The following LAMA1 variants were observed in gnomAD, a reference collection of about 807,000 sequenced individuals.
LAMA1 encodes laminin subunit alpha 1.
A neutral mutation model predicts 348.7 loss-of-function variants in LAMA1; 219 were observed. The observed-to-expected ratio is 0.63, with a 90% CI of 0.56 to 0.70. The LOEUF (loss-of-function observed/expected upper bound fraction) is 0.70. Ranked by LOEUF, LAMA1 falls within the 30% of genes least tolerant of loss-of-function variation. LAMA1 has a pLI of 0.00. For missense variants in LAMA1, 3,744 were observed against 3,888.0 expected, an observed-to-expected ratio of 0.96 and a Z score of 0.99; for synonymous variants, 1,487 against 1,491.0, an observed-to-expected ratio of 1.00 and a Z score of 0.06.
chr18:6,966,550 G>A (rs1280006715), intron 48 of LAMA1, among the ~76,000 whole-genome samples: 2 of 152,126 alleles, frequency 1.3e-5, no homozygotes, highest in Non-Finnish European at 2.9e-5. Context: ...TTTCTTTACA[G>A]GAGGATAACT....
chr18:7,099,294 C>T (rs1027637302), intron 1 of LAMA1, among the ~76,000 whole-genome samples: 3 of 150,684 alleles, frequency 2.0e-5, no homozygotes, highest in Admixed American at 1.3e-4. Context: ...GTCATCACCA[C>T]TCCCTAATCT....
chr18:7,022,227 TAATA>T (rs2057921128), intron 19 of LAMA1, among the ~76,000 whole-genome samples: 1 of 152,100 alleles, frequency 6.6e-6, no homozygotes, highest in Non-Finnish European at 1.5e-5. Context: ...ACCGGACACT[TAATA>T]AACAATGAAT....
At chr18:7,093,663 A>G (rs1212918007) in intron 1 of LAMA1, among the ~76,000 whole-genome samples, 2 of 152,172 alleles carry the variant, frequency 1.3e-5, no homozygotes, top group East Asian at 3.8e-4. Flanking sequence ...GATTAATAAT[A>G]CCATAACATT....
intron 3 of LAMA1, among the ~76,000 whole-genome samples, chr18:7,055,280 A>C (rs1282723673): frequency 6.6e-6 from 1 of 151,510 alleles, no homozygotes; most frequent in Non-Finnish European, 1.5e-5. Flanking sequence ...GTGAAACCCC[A>C]TCTCTACTAA....
At chr18:7,002,127 T>C in intron 30 of LAMA1, 137 bp downstream of exon 30, 3 of 1,165,536 alleles carry the variant, frequency 2.6e-6, no homozygotes, top group Non-Finnish European at 3.6e-6. Context: ...AATGAACACC[T>C]TTTCTTAAAA....
Position 6,993,699 on chromosome 18 carries a change from G to A in LAMA1, c.4950C>T (p.Ile1650=). ...TGGCCAGGTCTTGACTCTCCTTGAAGATTCTCTCAGTTGCCCTATTCACCT... is the reference window on the plus strand; with the variant it reads ...TGGCCAGGTCTTGACTCTCCTTGAAAATTCTCTCAGTTGCCCTATTCACCT... The part of the protein sequence containing the change: ...TQKVNRATER[I]FKESQDLAIA... Residue 1650 remains isoleucine, a synonymous_variant, in exon 35 of 63, where the codon ATC becomes ATT. Coordinates refer to ENST00000389658, the MANE Select transcript of LAMA1 (RefSeq NM_005559.4). The A allele has an allele frequency of 1.9e-6, 3 of 1,614,038 alleles. No homozygotes were observed. The highest frequency in any genetic ancestry group is 2.5e-6 in the Non-Finnish European group (3 of 1,179,962).
chr18:7,012,608 C>A (rs1285466219), intron 23 of LAMA1, among the ~76,000 whole-genome samples: 1 of 150,650 alleles, frequency 6.6e-6, no homozygotes, highest in Non-Finnish European at 1.5e-5. Context: ...CGGGTTCAAG[C>A]GATTCTCCTG....
intron 1 of LAMA1, among the ~76,000 whole-genome samples, chr18:7,114,450 T>C (rs540709919): frequency 4.6e-5 from 7 of 152,334 alleles, no homozygotes; most frequent in African/African-American, 1.7e-4. Flanking sequence ...CAATTATGCA[T>C]TTTGGAGAAT....
chr18:7,010,059 G>A lies in LAMA1; in HGVS notation c.3873+141C>T, dbSNP rs996116564. The A allele has an allele frequency of 2.4e-5, 21 of 868,608 alleles. No homozygotes were observed. The African/African-American group carries it at 2.6e-4, about 11-fold the overall frequency. 53.8% of individuals were successfully genotyped at this position (868,608 alleles called of 1,614,324 possible). ...TGACCTCAGGTGATCCACCCACCTCGGCTTCTCAAAGTGGTGGGATTACAG... is the reference window on the plus strand; with the variant it reads ...TGACCTCAGGTGATCCACCCACCTCAGCTTCTCAAAGTGGTGGGATTACAG... On this transcript the variant is annotated intron_variant, in intron 26 of 62. Transcript: ENST00000389658.
chr18:7,017,401 A>G lies in LAMA1; in HGVS notation c.2702-17T>C. The G allele has an allele frequency of 6.4e-7, 1 of 1,563,256 alleles. No homozygotes were observed. The highest frequency in any genetic ancestry group is 8.8e-7 in the Non-Finnish European group (1 of 1,134,648). ...ATTCACAGGCTAAACACATGCACAC[A>G]AAGACATATTAACCCTCACTTCTGA... is the stretch of plus-strand genomic sequence containing the variant. On this transcript the variant is annotated splice_polypyrimidine_tract_variant and intron_variant, in intron 19 of 62. Transcript: ENST00000389658.
rs780559329 is a variant in LAMA1, at chr18:6,950,915, A to G, written c.8264T>C (p.Met2755Thr). 3.1e-6 allele frequency: 5 copies of G among 1,614,196 alleles called. No individual in the cohort carries two copies. The East Asian group carries it at 8.9e-5, about 29-fold the overall frequency. ...TFASSGLIYYMAHQNQADYAV... is the reference protein window; with the variant it reads ...TFASSGLIYYTAHQNQADYAV... ...GTAGTCTGCTTGGTTCTGATGAGCC[A>G]TGTAGTAAATCAGGCCGCTGGAGGC... The change falls in exon 58 of 63, where the codon ATG becomes ACG. Residue 2755 changes from methionine (M) to threonine (T), a missense_variant. Physicochemically the swap from Met to Thr is moderately conservative, Grantham distance 81. Coordinates refer to ENST00000389658, the MANE Select transcript of LAMA1 (RefSeq NM_005559.4).
chr18:7,099,388 A>C lies in LAMA1; in HGVS notation c.61+18272T>G, dbSNP rs377537272. Among the ~76,000 whole-genome samples the C allele has an allele frequency of 2.5e-3, 383 of 151,964 alleles. 8 individuals are homozygous for C. The East Asian group carries it at 0.056, about 22-fold the overall frequency. On this transcript the variant is annotated intron_variant, in intron 1 of 62. Transcript: ENST00000389658. ...CAGAGACCTTTGTTCACTTGTTTATATGCTGACCTTCCCTCCACTATTGTC... is the reference window on the plus strand; with the variant it reads ...CAGAGACCTTTGTTCACTTGTTTATCTGCTGACCTTCCCTCCACTATTGTC...
rs767890976 is a variant in LAMA1 at position 7,046,363 on chromosome 18, T to C, written c.773A>G (p.Tyr258Cys). ...AACAGAAATGTCCTTTATTGAATAA[T>C]AATACTAAGGAAAAAGAAAGTTATG... ...ELDPIVTRRYYYSIKDISVGG... is the reference protein window; with the variant it reads ...ELDPIVTRRYCYSIKDISVGG... Residue 258 changes from tyrosine (Y) to cysteine (C), a missense_variant, in exon 6 of 63, where the codon TAT becomes TGT. This residue lies in a region of LAMA1 where 1,529 missense variants were observed against 1,689.4 expected (regional missense o/e 0.91). Coordinates refer to ENST00000389658, the MANE Select transcript of LAMA1 (RefSeq NM_005559.4). 1 of 1,586,106 alleles carries C rather than the reference T, an allele frequency of 6.3e-7. No homozygotes were observed. Among genetic ancestry groups the C allele is most frequent in the Non-Finnish European group, 8.6e-7 (1 of 1,157,672 alleles).
chr18:6,942,419 C>CTT (rs914463112), intron 62 of LAMA1, among the ~76,000 whole-genome samples, 180 bp from the exon 63 acceptor site: 1 of 146,760 alleles, frequency 6.8e-6, no homozygotes. Context: ...TCAGAGAAAA[C>CTT]TTTTTTTTTT....
chr18:6,945,242 A>T (rs1246764351), intron 61 of LAMA1, among the ~76,000 whole-genome samples: 2 of 152,150 alleles, frequency 1.3e-5, no homozygotes, highest in Non-Finnish European at 2.9e-5. Context: ...AATAGATACA[A>T]AAGTTTTTAA....
At position 7,054,360 on chromosome 18, in the gene LAMA1, T is replaced by C. The variant is rs2143733200; in HGVS notation, c.346-3424A>G. On this transcript the variant is annotated intron_variant, in intron 3 of 62. Transcript: ENST00000389658. ...AGAGAACTCTAAATGTTTTCTGAAT[T>C]GTCAAGAACGTAGTGAAAATATCAC... is the stretch of plus-strand genomic sequence containing the variant. Among the ~76,000 whole-genome samples, 3 of 151,728 alleles carry C rather than the reference T, an allele frequency of 2.0e-5. 1 individual carries two copies. The Middle Eastern group carries it at 0.01, about 520-fold the overall frequency.
intron 29 of LAMA1, among the ~76,000 whole-genome samples, chr18:7,004,082 C>T (rs923801820): frequency 1.3e-4 from 20 of 152,190 alleles, no homozygotes; most frequent in Non-Finnish European, 2.6e-4. Context: ...CTCTGACTTA[C>T]GACAGACTGT....
At chr18:6,969,754 G>A (rs1233415185) in intron 48 of LAMA1, among the ~76,000 whole-genome samples, 2 of 152,134 alleles carry the variant, frequency 1.3e-5, no homozygotes, top group East Asian at 3.9e-4. Context: ...TTGACCCAAA[G>A]GTCCAGGGTG....
intron 19 of LAMA1, among the ~76,000 whole-genome samples, chr18:7,019,245 C>T (rs2057904327): frequency 6.6e-6 from 1 of 152,100 alleles, no homozygotes; most frequent in Non-Finnish European, 1.5e-5. Context: ...GACTTCGGTC[C>T]CCCTCTTACC....
Sources: gnomAD v4.1 joint callset for allele counts (sites outside exome capture counted in the v4.1 genomes callset) on GRCh38, gnomAD v4.1.1 for gene constraint, gnomAD v4.1.1 regional missense constraint, MANE v1.5 for transcripts, NCBI Gene and HGNC (gene_info 2026-07-23, HGNC 2026-07-21) for gene names.